Variants in MBD2 observed in about 807,000 individuals in gnomAD.
The protein encoded by MBD2 is methyl-CpG-binding domain protein 2.
Under a neutral mutation model 39.3 loss-of-function variants are expected in MBD2, and 9 were observed. That is an observed-to-expected ratio of 0.23 (90% CI 0.14 to 0.40). The LOEUF is 0.40. MBD2 is among the 10% of genes least tolerant of loss of function. MBD2 has a pLI of 1.00. For synonymous variants in MBD2, 233 were observed against 211.1 expected (o/e 1.10, Z -0.90); for missense variants, 458 against 532.6 (o/e 0.86, Z 1.38).
At chr18:54,221,254 G>A (rs942343027) in intron 1 of MBD2, among the ~76,000 whole-genome samples, 6 of 151,882 alleles carry the variant, frequency 4.0e-5, no homozygotes, top group East Asian at 3.9e-4. Context: ...TCAGGAGATC[G>A]AGACCATCCT....
chr18:54,169,286 C>A (rs995787813), intron 3 of MBD2, among the ~76,000 whole-genome samples: 3 of 152,212 alleles, frequency 2.0e-5, no homozygotes, highest in African/African-American at 7.2e-5. Flanking sequence ...AAGTCTACTG[C>A]AACTTTATTA....
intron 3 of MBD2, among the ~76,000 whole-genome samples, chr18:54,184,989 G>A (rs114895339): frequency 0.019 from 2,899 of 152,238 alleles, 92 homozygotes; most frequent in African/African-American, 0.067. Flanking sequence ...ATTATAATGA[G>A]ACTATACTAG....
intron 1 of MBD2, among the ~76,000 whole-genome samples, chr18:54,206,097 G>A (rs2086448059): frequency 6.6e-6 from 1 of 152,138 alleles, no homozygotes; most frequent in African/African-American, 2.4e-5. Context: ...CTACTGAAAT[G>A]AGAAAACTAG....
chr18:54,179,243 T>A (rs752312612), intron 3 of MBD2, among the ~76,000 whole-genome samples: 4 of 152,138 alleles, frequency 2.6e-5, no homozygotes, highest in Non-Finnish European at 4.4e-5. Flanking sequence ...ATAAAAAAAA[T>A]AGGCTGAGAT....
At chr18:54,216,029 A>T (rs990729976) in intron 1 of MBD2, among the ~76,000 whole-genome samples, 5 of 144,780 alleles carry the variant, frequency 3.5e-5, no homozygotes, top group Non-Finnish European at 7.5e-5. Flanking sequence ...CTGGTCTTGA[A>T]CTCCTGACCT....
At chr18:54,213,251 G>C (rs2086525828) in intron 1 of MBD2, among the ~76,000 whole-genome samples, 1 of 152,148 alleles carries the variant, frequency 6.6e-6, no homozygotes, top group Non-Finnish European at 1.5e-5. Context: ...ATTACAGCCT[G>C]AGCTCTGCCT....
At chr18:54,166,197 A>AT (rs2086130691) in intron 3 of MBD2, 31 bp from the exon 4 acceptor site, 1 of 1,358,744 alleles carries the variant, frequency 7.4e-7, no homozygotes. Context: ...GTTAATAGAT[A>AT]CATTTTTGAA....
At chr18:54,156,014 GA>G (rs1568076009) in intron 6 of MBD2, among the ~76,000 whole-genome samples, 1 of 152,036 alleles carries the variant, frequency 6.6e-6, no homozygotes. Flanking sequence ...TAATAAGCAG[GA>G]TTAGAAAGAG....
intron 3 of MBD2, among the ~76,000 whole-genome samples, chr18:54,179,402 T>C (rs1456958329): frequency 6.6e-6 from 1 of 152,066 alleles, no homozygotes; most frequent in East Asian, 1.9e-4. Flanking sequence ...GAGAAGCAAA[T>C]TACAAGAAAA....
intron 3 of MBD2, among the ~76,000 whole-genome samples, chr18:54,185,594 T>C (rs1384415300): frequency 1.3e-5 from 2 of 152,104 alleles, no homozygotes; most frequent in Non-Finnish European, 2.9e-5. Context: ...AGGAAAGGCA[T>C]TGTTACCAGC....
At chr18:54,219,518 A>G (rs937236199) in intron 1 of MBD2, among the ~76,000 whole-genome samples, 8 of 152,256 alleles carry the variant, frequency 5.3e-5, no homozygotes, top group African/African-American at 1.7e-4. Context: ...AAGTTTAACT[A>G]CATAGGAATT....
chr18:54,163,117 A>C (rs1038428316), intron 5 of MBD2, among the ~76,000 whole-genome samples: 3 of 150,078 alleles, frequency 2.0e-5, no homozygotes, highest in African/African-American at 7.6e-5. Context: ...ACTAAAAATA[A>C]AAAAATTAGC....
chr18:54,153,715 T>G lies in MBD2; in HGVS notation c.*1609A>C, dbSNP rs532083959. On this transcript the variant is annotated 3_prime_UTR_variant, in exon 7 of 7. Transcript: ENST00000256429. ...ACTATGATCCTCACCCCCACCCCAG[T>G]TGGGACAGTCTGATGGGGCGGGCAG... The G allele has an allele frequency of 5.9e-5, 9 of 152,182 alleles. No homozygotes were observed. The highest frequency in any genetic ancestry group is 9.7e-5 in the African/African-American group (4 of 41,424). 9.4% of individuals were successfully genotyped at this position (152,182 alleles called of 1,614,324 possible).
chr18:54,152,263 T>G lies in MBD2; in HGVS notation c.*3061A>C, dbSNP rs2086026484. 1 of 152,148 alleles carries G rather than the reference T, an allele frequency of 6.6e-6. No homozygotes were observed. Among genetic ancestry groups the G allele is most frequent in the South Asian group, 2.1e-4 (1 of 4,830 alleles). 9.4% of individuals were successfully genotyped at this position (152,148 alleles called of 1,614,324 possible). A position where few individuals can be genotyped will look rare whatever the true frequency, so the allele number is the denominator to read the frequency against. On this transcript the variant is annotated 3_prime_UTR_variant, in exon 7 of 7. Transcript: ENST00000256429. Reference sequence around the variant, plus strand: ...ATGTAGACGGGCAGGCAAAGGGTGTTTCAGGCAAAGGGAACAACAGGTACA... The same window carrying G: ...ATGTAGACGGGCAGGCAAAGGGTGTGTCAGGCAAAGGGAACAACAGGTACA...
At chr18:54,181,872 G>C (rs2086254077) in intron 3 of MBD2, among the ~76,000 whole-genome samples, 1 of 152,158 alleles carries the variant, frequency 6.6e-6, no homozygotes, top group African/African-American at 2.4e-5. Flanking sequence ...TTTCTTCAGT[G>C]ATCTCCTAAC....
intron 1 of MBD2, among the ~76,000 whole-genome samples, chr18:54,221,191 C>A (rs1055722772): frequency 1.3e-5 from 2 of 152,226 alleles, no homozygotes; most frequent in African/African-American, 4.8e-5. Context: ...GGCGCGATGG[C>A]TCACACCTGT....
intron 2 of MBD2, chr18:54,203,026 C>G (rs550942667): frequency 4.9e-6 from 6 of 1,220,728 alleles, no homozygotes; most frequent in South Asian, 4.8e-5. Flanking sequence ...ACATTCCAAG[C>G]AGAGCAAACA....
chr18:54,218,996 T>A (rs1357131486), intron 1 of MBD2, among the ~76,000 whole-genome samples: 4 of 150,316 alleles, frequency 2.7e-5, no homozygotes, highest in African/African-American at 9.8e-5. Flanking sequence ...TGATAGCTCA[T>A]GTAAAGCATT....
At chr18:54,209,484 C>T (rs530509631) in intron 1 of MBD2, among the ~76,000 whole-genome samples, 3 of 152,212 alleles carry the variant, frequency 2.0e-5, no homozygotes, top group East Asian at 3.9e-4. Flanking sequence ...ATAACCATTT[C>T]CTGTTTTACA....
Sources: gnomAD v4.1 joint callset for allele counts (sites outside exome capture counted in the v4.1 genomes callset) on GRCh38, gnomAD v4.1.1 for gene constraint, MANE v1.5 for transcripts, NCBI Gene and HGNC (gene_info 2026-07-23, HGNC 2026-07-21) for gene names.